ENTPD1: variants seen among roughly 807,000 people sequenced by gnomAD.
The protein encoded by ENTPD1 is ATP diphosphohydrolase.
A neutral mutation model predicts 57.0 loss-of-function variants in ENTPD1; 33 were observed. That is an observed-to-expected ratio of 0.58 (90% CI 0.44 to 0.77). The LOEUF (loss-of-function observed/expected upper bound fraction) is 0.77, where lower values mean the gene tolerates loss of function less well. Ranked by LOEUF, ENTPD1 falls within the 30% of genes least tolerant of loss-of-function variation. The pLI, the probability that ENTPD1 is intolerant of heterozygous loss-of-function variation, is 0.00. For synonymous variants in ENTPD1, 202 were observed against 218.8 expected (o/e 0.92, Z 0.68); for missense variants, 501 against 603.4 (o/e 0.83, Z 1.78).
At chr10:95,710,231 C>G (rs985220900), upstream of ENTPD1, among the ~76,000 whole-genome samples, 3 of 151,848 alleles carry the variant, frequency 2.0e-5, no homozygotes, top group African/African-American at 7.3e-5. Flanking sequence ...ATGGTGAAAC[C>G]CTGTCTCTAC....
At position 95,871,978 on chromosome 10, in the gene ENTPD1, C is replaced by A. The variant is rs1399049861; in HGVS notation, c.*5595C>A. ...ACTGAACTCTACCATTACTCCTAAC[C>A]CAGTTCCTCCTCCTGTGTTTTACAT... On this transcript the variant is annotated 3_prime_UTR_variant, in exon 10 of 10. Coordinates refer to ENST00000371205, the MANE Select transcript of ENTPD1 (RefSeq NM_001776.6). The A allele has an allele frequency of 1.0e-6, 1 of 985,254 alleles. No homozygotes were observed. Among genetic ancestry groups the A allele is most frequent in the Non-Finnish European group, 1.2e-6 (1 of 829,926 alleles). The allele number at this position is 985,254 out of a possible 1,614,324, so 61.0% of individuals were successfully genotyped here. A position where few individuals can be genotyped will look rare whatever the true frequency, so the allele number is the denominator to read the frequency against.
At chr10:95,860,729 T>A (rs2098463975) in intron 8 of ENTPD1, 147 bp downstream of exon 8, 1 of 701,986 alleles carries the variant, frequency 1.4e-6, no homozygotes, top group Admixed American at 2.1e-5. Context: ...GACTCAGGAA[T>A]GAATTTATCA....
chr10:95,868,641 A>G lies in ENTPD1; in HGVS notation c.*2258A>G. Reference sequence around the variant, plus strand: ...AACAACCCATAAGGGTGTAAATAGTATTTCCATTTTACAAATGAGGATCAC... The same window carrying G: ...AACAACCCATAAGGGTGTAAATAGTGTTTCCATTTTACAAATGAGGATCAC... On this transcript the variant is annotated 3_prime_UTR_variant, in exon 10 of 10. Transcript: ENST00000371205. 1 of 982,682 alleles carries G rather than the reference A, an allele frequency of 1.0e-6. No individual in the cohort carries two copies. Among genetic ancestry groups the G allele is most frequent in the South Asian group, 4.7e-5 (1 of 21,240 alleles). 60.9% of individuals were successfully genotyped at this position (982,682 alleles called of 1,614,324 possible).
chr10:95,875,632 C>A lies in ENTPD1; in HGVS notation c.*9249C>A. ...GCCCCACTCTACTGGTACTATTAGTCCATTTTCATGCTGCTGATAAAGACA... is the reference window on the plus strand; with the variant it reads ...GCCCCACTCTACTGGTACTATTAGTACATTTTCATGCTGCTGATAAAGACA... On this transcript the variant is annotated 3_prime_UTR_variant, in exon 10 of 10. Transcript: ENST00000371205. 5.9e-6 allele frequency: 1 copy of A among 170,164 alleles called. No individual in the cohort carries two copies. The highest frequency in any genetic ancestry group is 6.3e-5 in the Admixed American group (1 of 15,834). The allele number at this position is 170,164 out of a possible 1,614,324, so 10.5% of individuals were successfully genotyped here.
At chr10:95,715,836 TC>T (rs1239741458) in intron 1 of ENTPD1, among the ~76,000 whole-genome samples, 11 of 152,272 alleles carry the variant, frequency 7.2e-5, no homozygotes, top group African/African-American at 2.6e-4. Flanking sequence ...CTCTCCCTCA[TC>T]CCCTGACAAC....
In ENTPD1 at chr10:95,866,493, T is replaced by C; in HGVS notation, c.*110T>C. 1 of 1,551,266 alleles carries C rather than the reference T, an allele frequency of 6.4e-7. No individual in the cohort carries two copies. Among genetic ancestry groups the C allele is most frequent in the Non-Finnish European group, 8.7e-7 (1 of 1,149,472 alleles). ...CCTTCCCTGTCTGCCAGGGCCAGTCTTGACGAGTGTGAAGCTTCCTTGGCT... is the reference window on the plus strand; with the variant it reads ...CCTTCCCTGTCTGCCAGGGCCAGTCCTGACGAGTGTGAAGCTTCCTTGGCT... On this transcript the variant is annotated 3_prime_UTR_variant, in exon 10 of 10. Coordinates refer to ENST00000371205, the MANE Select transcript of ENTPD1 (RefSeq NM_001776.6).
chr10:95,750,223 C>T (rs778558292), intron 1 of ENTPD1, among the ~76,000 whole-genome samples: 2 of 152,020 alleles, frequency 1.3e-5, no homozygotes, highest in Non-Finnish European at 1.5e-5. Flanking sequence ...GGGAAAGGAG[C>T]GGGGATGGGT....
intron 1 of ENTPD1, among the ~76,000 whole-genome samples, chr10:95,716,298 A>G (rs1315238732): frequency 6.6e-6 from 1 of 152,196 alleles, no homozygotes; most frequent in East Asian, 1.9e-4. Context: ...AGATATGGCA[A>G]CTTTGCTCCA....
Position 95,867,308 on chromosome 10 carries a change from C to A in ENTPD1, c.*925C>A. 1.0e-6 allele frequency: 1 copy of A among 982,536 alleles called. No individual in the cohort carries two copies. Among genetic ancestry groups the A allele is most frequent in the Non-Finnish European group, 1.2e-6 (1 of 827,370 alleles). 60.9% of individuals were successfully genotyped at this position (982,536 alleles called of 1,614,324 possible). ...TAGTACATTCACAGTGTTGTGCCAC[C>A]ATCACCACTATTTAGTTCCAGAACA... On this transcript the variant is annotated 3_prime_UTR_variant, in exon 10 of 10. Coordinates refer to ENST00000371205, the MANE Select transcript of ENTPD1 (RefSeq NM_001776.6).
chr10:95,809,188 C>T (rs954364031), intron 1 of ENTPD1, among the ~76,000 whole-genome samples: 33 of 152,162 alleles, frequency 2.2e-4, no homozygotes, highest in Non-Finnish European at 3.2e-4. Context: ...CTTTTCTTTT[C>T]GACAAAACCA....
Position 95,866,484 on chromosome 10 carries a change from G to T in ENTPD1, c.*101G>T. The T allele has an allele frequency of 6.4e-7, 1 of 1,561,216 alleles. No individual in the cohort carries two copies. ...CAAGGCCATCCTTCCCTGTCTGCCA[G>T]GGCCAGTCTTGACGAGTGTGAAGCT... On this transcript the variant is annotated 3_prime_UTR_variant, in exon 10 of 10. Transcript: ENST00000371205.
chr10:95,805,384 C>T (rs200124224), intron 1 of ENTPD1, among the ~76,000 whole-genome samples: 3 of 152,104 alleles, frequency 2.0e-5, no homozygotes, highest in African/African-American at 7.2e-5. Flanking sequence ...TATGTGCATT[C>T]GTTTCACATG....
intron 1 of ENTPD1, among the ~76,000 whole-genome samples, chr10:95,779,975 A>G (rs2098150190): frequency 6.6e-6 from 1 of 152,154 alleles, no homozygotes; most frequent in Non-Finnish European, 1.5e-5. Flanking sequence ...CGATACAACT[A>G]GGAGGGCCAG....
intron 2 of ENTPD1, among the ~76,000 whole-genome samples, chr10:95,839,031 T>C (rs758813510): frequency 6.6e-6 from 1 of 152,234 alleles, no homozygotes; most frequent in Non-Finnish European, 1.5e-5. Flanking sequence ...ATATTCATAA[T>C]TTAAAAGTGA....
chr10:95,846,377 CAAAAAGAAA>C (rs1464679889), intron 6 of ENTPD1: 1 of 150,696 alleles, frequency 6.6e-6, no homozygotes, highest in Non-Finnish European at 1.5e-5. Flanking sequence ...GACTCCATCT[CAAAAAGAAA>C]AAAAAGAAAA....
At chr10:95,855,589 C>A (rs2098453110) in intron 7 of ENTPD1, among the ~76,000 whole-genome samples, 1 of 152,084 alleles carries the variant, frequency 6.6e-6, no homozygotes, top group African/African-American at 2.4e-5. Flanking sequence ...TGTTCCTTTC[C>A]ATGTTTAGTG....
At chr10:95,790,558 C>G (rs940940973) in intron 1 of ENTPD1, among the ~76,000 whole-genome samples, 4 of 152,090 alleles carry the variant, frequency 2.6e-5, no homozygotes, top group African/African-American at 9.7e-5. Context: ...ATATAATAAA[C>G]CACTGTATAC....
At chr10:95,742,714 G>T (rs1343843039) in intron 1 of ENTPD1, among the ~76,000 whole-genome samples, 2 of 152,028 alleles carry the variant, frequency 1.3e-5, no homozygotes, top group African/African-American at 4.8e-5. Flanking sequence ...GTTTGAACAA[G>T]AAATCATGTG....
intron 1 of ENTPD1, among the ~76,000 whole-genome samples, chr10:95,815,952 A>AGG (rs1456832333): frequency 6.6e-6 from 1 of 152,170 alleles, no homozygotes; most frequent in Non-Finnish European, 1.5e-5. Context: ...TTCTTCCCTT[A>AGG]GGGTGGGCTG....
Sources: allele counts gnomAD v4.1 joint callset (sites outside exome capture counted in the v4.1 genomes callset), GRCh38; gene constraint gnomAD v4.1.1; transcripts MANE v1.5; gene names NCBI Gene and HGNC (gene_info 2026-07-23, HGNC 2026-07-21).